The following SNRPN variants were observed in gnomAD, a reference collection of about 807,000 sequenced individuals.
SNRPN encodes small nuclear ribonucleoprotein-associated protein N.
A neutral mutation model predicts 25.2 loss-of-function variants in SNRPN; 7 were observed. That is an observed-to-expected ratio of 0.28 (90% CI 0.16 to 0.52). The LOEUF is 0.52. SNRPN is among the 20% of genes least tolerant of loss of function. SNRPN has a pLI of 0.96. For synonymous variants in SNRPN, 124 were observed against 110.6 expected (o/e 1.12, Z -0.76); for missense variants, 196 against 322.5 (o/e 0.61, Z 3.00).
chr15:24,955,106 C>T (rs756461676), intron 1 of SNRPN, 44 bp downstream of exon 1: 7 of 1,613,030 alleles, frequency 4.3e-6, no homozygotes, highest in East Asian at 2.2e-5. Flanking sequence ...GCCTGGGGAG[C>T]GGCCACTTTT....
chr15:24,955,025 G>A lies in SNRPN; in HGVS notation c.-428G>A, dbSNP rs769799598. ...GCCGCCGGAGATGCCTGACGCATCT[G>A]TCTGAGGAGCGGTCAGTGACGCGAT... On this transcript the variant is annotated 5_prime_UTR_variant, in exon 1 of 10. Transcript: ENST00000390687. 1.7e-5 allele frequency: 27 copies of A among 1,612,742 alleles called. No individual in the cohort carries two copies. The highest frequency in any genetic ancestry group is 2.0e-5 in the Non-Finnish European group (24 of 1,179,958).
intron 3 of SNRPN, among the ~76,000 whole-genome samples, chr15:24,971,591 G>A (rs1449233416): frequency 6.6e-6 from 1 of 151,890 alleles, no homozygotes; most frequent in East Asian, 1.9e-4. Flanking sequence ...TAGGTCTTCA[G>A]TTCTTTGGGC....
intron 2 of SNRPN, among the ~76,000 whole-genome samples, chr15:24,896,972 T>C (rs1213573176): frequency 6.6e-6 from 1 of 151,684 alleles, no homozygotes; most frequent in East Asian, 2.0e-4. Flanking sequence ...GGCAACATGG[T>C]AAAACTTCAT....
intron 3 of SNRPN, among the ~76,000 whole-genome samples, chr15:24,922,889 C>T (rs1211458335): frequency 1.4e-4 from 5 of 34,568 alleles, no homozygotes; most frequent in African/African-American, 1.7e-4. Context: ...GTAGGCAGAT[C>T]CTTTTTTTTT....
In SNRPN at chr15:24,865,701, C is replaced by A. The variant is rs111651294; in HGVS notation, c.-579+8985C>A. Among the ~76,000 whole-genome samples, 155 of 152,154 alleles carry A rather than the reference C, an allele frequency of 1.0e-3. 2 individuals carry two copies. Among genetic ancestry groups the A allele is most frequent in the Admixed American group, 1.8e-3 (27 of 15,272 alleles). Reference sequence around the variant, plus strand: ...TAGGGGTGAGTGACTTAACCCTTGCCTGTCATGGCCTTAGGTCTTATTTAT... The same window carrying A: ...TAGGGGTGAGTGACTTAACCCTTGCATGTCATGGCCTTAGGTCTTATTTAT... On this transcript the variant is annotated intron_variant, in intron 1 of 11. Coordinates refer to the SNRPN transcript ENST00000400097.
At chr15:24,864,280 G>A (rs974674589) in intron 1 of SNRPN, among the ~76,000 whole-genome samples, 16 of 149,060 alleles carry the variant, frequency 1.1e-4, no homozygotes, top group Admixed American at 2.7e-4. Flanking sequence ...CGCCCGCCTC[G>A]GCCTCCCAAA....
At chr15:24,886,755 T>C (rs2150109087) in intron 2 of SNRPN, among the ~76,000 whole-genome samples, 1 of 152,340 alleles carries the variant, frequency 6.6e-6, no homozygotes, top group East Asian at 1.9e-4. Flanking sequence ...TTTATGACAA[T>C]GACTTTGAGC....
At chr15:24,881,456 G>C (rs554065316) in intron 1 of SNRPN, among the ~76,000 whole-genome samples, 5 of 151,366 alleles carry the variant, frequency 3.3e-5, no homozygotes, top group Admixed American at 6.6e-5. Flanking sequence ...GCTTGAACCT[G>C]GGAGGCAGAG....
chr15:24,856,508 T>G (rs575871312), upstream of SNRPN: 1 of 152,394 alleles, frequency 6.6e-6, no homozygotes, highest in East Asian at 1.9e-4. Flanking sequence ...GCGGTCGTCC[T>G]GCTGCAGACC....
intron 3 of SNRPN, chr15:24,968,698 C>G (rs1158807363): frequency 6.6e-6 from 1 of 152,134 alleles, no homozygotes; most frequent in Non-Finnish European, 1.5e-5. Flanking sequence ...ATTAGAGAAT[C>G]TAAATACTTT....
At chr15:24,880,077 G>T (rs1368297749) in intron 1 of SNRPN, among the ~76,000 whole-genome samples, 2 of 152,158 alleles carry the variant, frequency 1.3e-5, no homozygotes, top group African/African-American at 2.4e-5. Context: ...TTCTGGGGTA[G>T]GCGGTCAGAG....
At chr15:24,848,415 A>G (rs1371243324) in intron 2 of SNRPN, 1 of 152,024 alleles carries the variant, frequency 6.6e-6, no homozygotes, top group Admixed American at 6.5e-5. Flanking sequence ...TACCGCGGAA[A>G]CTTTAACCTG....
At chr15:24,852,307 T>C (rs1171239234), upstream of SNRPN, 1 of 152,352 alleles carries the variant, frequency 6.6e-6, no homozygotes, top group East Asian at 1.9e-4. Flanking sequence ...TATTATATCT[T>C]TTCTTCTGCT....
upstream of SNRPN, among the ~76,000 whole-genome samples, chr15:24,950,915 G>T (rs183948969): frequency 5.8e-4 from 88 of 151,474 alleles, no homozygotes; most frequent in Non-Finnish European, 2.8e-4. Flanking sequence ...AGGCTGGAGT[G>T]CAGTGGTGCA....
At chr15:24,901,596 T>C (rs1244766124) in intron 2 of SNRPN, among the ~76,000 whole-genome samples, 1 of 152,170 alleles carries the variant, frequency 6.6e-6, no homozygotes, top group Non-Finnish European at 1.5e-5. Flanking sequence ...TTGTTGCCAC[T>C]CTGTGCATGA....
chr15:24,827,289 C>T (rs1314081961), intron 1 of SNRPN, among the ~76,000 whole-genome samples: 5 of 148,638 alleles, frequency 3.4e-5, no homozygotes, highest in East Asian at 4.1e-4. Context: ...CCGAGGCAGG[C>T]GGATCACGAG....
In SNRPN at chr15:24,977,870, A is replaced by G; in HGVS notation, c.513A>G (p.Gly171=). 1 of 1,610,038 alleles carries G rather than the reference A, an allele frequency of 6.2e-7. No individual in the cohort carries two copies. The highest frequency in any genetic ancestry group is 8.5e-7 in the Non-Finnish European group (1 of 1,177,748). The change falls in exon 8 of 10, where the codon GGA becomes GGG. Residue 171 remains glycine (G), a synonymous_variant. Transcript: ENST00000390687. ...IAGAPTQYPP[G]RGTPPPPVGR... ...GAGCCCCAACACAGTACCCACCAGG[A>G]CGGGGCACTCCGCCCCCACCCGTCG...
At chr15:24,917,567 G>T (rs546802709) in intron 2 of SNRPN, among the ~76,000 whole-genome samples, 33 of 152,290 alleles carry the variant, frequency 2.2e-4, no homozygotes, top group Non-Finnish European at 4.3e-4. Context: ...CTGCCTGCAG[G>T]TAATAACGCC....
chr15:24,935,189 C>CATT (rs2061143855), intron 3 of SNRPN, among the ~76,000 whole-genome samples: 4 of 151,600 alleles, frequency 2.6e-5, no homozygotes, highest in Non-Finnish European at 4.4e-5. Flanking sequence ...GGAGAATTGC[C>CATT]TGAACCCGGG....
Sources: allele counts gnomAD v4.1 joint callset (sites outside exome capture counted in the v4.1 genomes callset), GRCh38; gene constraint gnomAD v4.1.1; transcripts MANE v1.5; gene names NCBI Gene and HGNC (gene_info 2026-07-23, HGNC 2026-07-21).